The following GHR variants were observed in gnomAD, a reference collection of about 807,000 sequenced individuals.
GHR encodes the protein GH receptor.
In GHR, 35 loss-of-function variants were observed where a neutral mutation model predicts 67.1. The ratio of observed to expected loss-of-function variants is 0.52; its 90% confidence interval spans 0.40 to 0.69. The LOEUF is 0.69. Ranked by LOEUF, GHR falls within the 30% of genes least tolerant of loss-of-function variation. The pLI is 0.00. For missense variants in GHR, 792 were observed against 764.6 expected, an observed-to-expected ratio of 1.04 and a Z score of -0.42; for synonymous variants, 272 against 269.1, an observed-to-expected ratio of 1.01 and a Z score of -0.10.
intron 1 of GHR, among the ~76,000 whole-genome samples, chr5:42,442,129 T>C (rs866987424): frequency 1.3e-5 from 2 of 152,154 alleles, no homozygotes; most frequent in Middle Eastern, 3.4e-3. Flanking sequence ...CAGAAAGCAG[T>C]TGAGTCACCA....
chr5:42,650,419 T>C (rs1754958131), intron 3 of GHR, among the ~76,000 whole-genome samples: 2 of 152,168 alleles, frequency 1.3e-5, no homozygotes, highest in African/African-American at 4.8e-5. Context: ...TTAGATTGGC[T>C]GGAATTAAAA....
chr5:42,467,389 T>C, intron 1 of GHR: 2 of 946,282 alleles, frequency 2.1e-6, no homozygotes, highest in Admixed American at 1.8e-5. Context: ...GGCAGAGGGC[T>C]TCTCCCCAGT....
intron 1 of GHR, among the ~76,000 whole-genome samples, chr5:42,453,128 G>A (rs948515102): frequency 6.6e-6 from 1 of 151,660 alleles, no homozygotes; most frequent in African/African-American, 2.4e-5. Flanking sequence ...TGGAGTCTTG[G>A]TGCTTGTAGG....
intron 1 of GHR, among the ~76,000 whole-genome samples, chr5:42,542,733 A>G (rs1748569485): frequency 6.6e-6 from 1 of 152,030 alleles, no homozygotes; most frequent in South Asian, 2.1e-4. Context: ...TTCATCCATC[A>G]CCCAAGTAAT....
At chr5:42,566,945 A>C (rs538506557) in intron 2 of GHR, among the ~76,000 whole-genome samples, 6 of 152,308 alleles carry the variant, frequency 3.9e-5, no homozygotes, top group Middle Eastern at 3.4e-3. Context: ...GAGAAGAGTA[A>C]AATATGTTAT....
chr5:42,484,031 A>G (rs1218638349), intron 1 of GHR, among the ~76,000 whole-genome samples: 2 of 152,070 alleles, frequency 1.3e-5, no homozygotes, highest in Non-Finnish European at 2.9e-5. Context: ...AGCTCTGTGC[A>G]GAACGAGCAC....
At chr5:42,680,500 C>T (rs1756806916) in intron 3 of GHR, among the ~76,000 whole-genome samples, 1 of 150,014 alleles carries the variant, frequency 6.7e-6, no homozygotes, top group African/African-American at 2.5e-5. Context: ...TAATTATAAA[C>T]ATTGCAAAAC....
intron 1 of GHR, among the ~76,000 whole-genome samples, chr5:42,521,745 T>C (rs1271086300): frequency 6.6e-6 from 1 of 152,176 alleles, no homozygotes; most frequent in African/African-American, 2.4e-5. Flanking sequence ...GACTTCTTAT[T>C]TTAGAAGAGA....
chr5:42,694,868 A>AC (rs762746376), intron 4 of GHR, 49 bp from the exon 5 acceptor site: 1 of 1,393,510 alleles, frequency 7.2e-7, no homozygotes, highest in Non-Finnish European at 1.0e-6. Context: ...GACTTAAGCT[A>AC]CAACATGATT....
At chr5:42,583,413 G>T (rs1223755847) in intron 2 of GHR, among the ~76,000 whole-genome samples, 1 of 152,068 alleles carries the variant, frequency 6.6e-6, no homozygotes, top group African/African-American at 2.4e-5. Flanking sequence ...GCCAAACATC[G>T]GCATTAATCT....
intron 2 of GHR, among the ~76,000 whole-genome samples, chr5:42,574,286 T>A (rs1427930621): frequency 6.6e-6 from 1 of 152,188 alleles, no homozygotes; most frequent in African/African-American, 2.4e-5. Flanking sequence ...AGGAGTAGAA[T>A]ATAGAAAGTA....
intron 2 of GHR, among the ~76,000 whole-genome samples, chr5:42,588,393 G>A (rs1433753087): frequency 3.3e-5 from 5 of 151,818 alleles, no homozygotes; most frequent in African/African-American, 4.8e-5. Flanking sequence ...GGTGGCACAC[G>A]CCTGTAGTCC....
intron 3 of GHR, among the ~76,000 whole-genome samples, chr5:42,652,141 TAGAG>T (rs1427469045): frequency 6.6e-6 from 1 of 152,116 alleles, no homozygotes; most frequent in Non-Finnish European, 1.5e-5. Flanking sequence ...CTATACCAAA[TAGAG>T]AGAATGAAAG....
intron 1 of GHR, chr5:42,514,211 C>A: frequency 1.0e-6 from 1 of 985,288 alleles, no homozygotes. Flanking sequence ...CAAGTGCCTT[C>A]TGGGTGCAAG....
chr5:42,666,172 T>A (rs1316567752), intron 3 of GHR, among the ~76,000 whole-genome samples: 1 of 134,612 alleles, frequency 7.4e-6, no homozygotes, highest in Non-Finnish European at 1.7e-5. Context: ...ATGTTTTTCC[T>A]TTTAAATAAG....
chr5:42,657,739 C>A (rs991429012), intron 3 of GHR, among the ~76,000 whole-genome samples: 7 of 152,158 alleles, frequency 4.6e-5, no homozygotes, highest in African/African-American at 9.7e-5. Flanking sequence ...ACTGGTGTTT[C>A]CCTTTCCTTA....
rs145303429 is a variant in GHR at position 42,480,536 on chromosome 5, G to A, written c.-12+56581G>A. Among the ~76,000 whole-genome samples the A allele has an allele frequency of 2.4e-3, 363 of 152,248 alleles. 1 individual carries two copies. Among genetic ancestry groups the A allele is most frequent in the South Asian group, 7.7e-3 (37 of 4,822 alleles). On this transcript the variant is annotated intron_variant, in intron 1 of 9. Transcript: ENST00000230882. ...TGTGGGAGTCTAAGTCTCTTAGTAC[G>A]TCACTAAGGACTTGCTTTATGAATC...
At chr5:42,503,573 T>A (rs1208904384) in intron 1 of GHR, among the ~76,000 whole-genome samples, 5 of 152,186 alleles carry the variant, frequency 3.3e-5, no homozygotes, top group African/African-American at 1.2e-4. Flanking sequence ...CTGCTATGAG[T>A]GTCACCATTA....
chr5:42,607,368 A>G (rs1188198863), intron 2 of GHR, among the ~76,000 whole-genome samples: 1 of 152,166 alleles, frequency 6.6e-6, no homozygotes, highest in African/African-American at 2.4e-5. Flanking sequence ...AGGTAAAGCT[A>G]GGAGTTGGGT....
Sources: gnomAD v4.1 joint callset for allele counts (sites outside exome capture counted in the v4.1 genomes callset) on GRCh38, gnomAD v4.1.1 for gene constraint, MANE v1.5 for transcripts, NCBI Gene and HGNC (gene_info 2026-07-23, HGNC 2026-07-21) for gene names.